Variants in CHD6 observed in about 807,000 individuals in gnomAD.
The protein encoded by CHD6 is ATP-dependent chromatin remodeler CHD6.
In CHD6, 50 loss-of-function variants were observed where a neutral mutation model predicts 276.9. The observed-to-expected ratio is 0.18, with a 90% CI of 0.14 to 0.23. CHD6 has a LOEUF of 0.23. CHD6 is among the 10% of genes least tolerant of loss of function. The pLI is 1.00. For synonymous variants in CHD6, 1,173 were observed against 1,229.3 expected, an observed-to-expected ratio of 0.95 and a Z score of 0.96; for missense variants, 2,564 against 3,365.8, an observed-to-expected ratio of 0.76 and a Z score of 5.89.
At chr20:41,521,754 G>A (rs982412481) in intron 3 of CHD6, among the ~76,000 whole-genome samples, 1 of 152,154 alleles carries the variant, frequency 6.6e-6, no homozygotes, top group Non-Finnish European at 1.5e-5. Context: ...CTAAAGCAGG[G>A]AAGACAGACG....
At chr20:41,487,509 C>G (rs544911293) in intron 14 of CHD6, among the ~76,000 whole-genome samples, 156 bp downstream of exon 14, 3 of 152,172 alleles carry the variant, frequency 2.0e-5, no homozygotes, top group African/African-American at 7.2e-5. Context: ...TCAGCGTACC[C>G]GCCCCAACAT....
At position 41,551,313 on chromosome 20, in the gene CHD6, C is replaced by CT; in HGVS notation, c.24dup (p.Glu9ArgfsTer17). The CT allele has an allele frequency of 2.0e-6, 3 of 1,492,320 alleles. No homozygotes were observed. Among genetic ancestry groups the CT allele is most frequent in the Non-Finnish European group, 2.8e-6 (3 of 1,078,410 alleles). The allele number at this position is 1,492,320 out of a possible 1,614,324, so 92.4% of individuals were successfully genotyped here. On this transcript the variant is annotated frameshift_variant, in exon 2 of 37. Coordinates refer to ENST00000373233, the MANE Select transcript of CHD6 (RefSeq NM_032221.5). LOFTEE classifies it high-confidence loss of function. ...GAAAAGTGATCACTTACCTGCTTCT[C>CT]TTTTTTCTGTATTTTCATTTTCATC...
chr20:41,431,378 C>T (rs913464095), intron 27 of CHD6, among the ~76,000 whole-genome samples: 4 of 152,282 alleles, frequency 2.6e-5, no homozygotes, highest in Admixed American at 2.6e-4. Context: ...CTAGAATCAA[C>T]AGAAGAGAAT....
intron 32 of CHD6, 59 bp downstream of exon 32, chr20:41,417,139 A>G (rs2047024295): frequency 1.3e-6 from 2 of 1,489,716 alleles, no homozygotes; most frequent in African/African-American, 1.4e-5. Flanking sequence ...GGTTAAAAAA[A>G]GCAATTCAAA....
At chr20:41,495,931 G>C (rs1275377530) in intron 8 of CHD6, among the ~76,000 whole-genome samples, 1 of 152,176 alleles carries the variant, frequency 6.6e-6, no homozygotes, top group African/African-American at 2.4e-5. Context: ...GGGCTGGGAG[G>C]GGCAGTTTGA....
chr20:41,450,872 C>G (rs76501282), intron 23 of CHD6, 74 bp downstream of exon 23: 34,828 of 1,376,384 alleles, frequency 0.025, 535 homozygotes, highest in Non-Finnish European at 0.031. Flanking sequence ...GAAGTGCTCT[C>G]CCTGTGGGGT....
intron 1 of CHD6, among the ~76,000 whole-genome samples, chr20:41,609,949 C>T (rs575116845): frequency 3.3e-5 from 5 of 151,488 alleles, no homozygotes; most frequent in Admixed American, 6.6e-5. Context: ...CTCCGCCTCC[C>T]GGGTTTAAGC....
intron 34 of CHD6, 138 bp downstream of exon 34, chr20:41,415,048 C>T (rs916943941): frequency 6.8e-7 from 1 of 1,464,494 alleles, no homozygotes; most frequent in African/African-American, 1.4e-5. Flanking sequence ...TGGAGGGCAT[C>T]TTATAATGAG....
chr20:41,468,365 C>T (rs1176579008), intron 17 of CHD6, among the ~76,000 whole-genome samples: 1 of 152,168 alleles, frequency 6.6e-6, no homozygotes, highest in Non-Finnish European at 1.5e-5. Flanking sequence ...CCGCCTCGGC[C>T]TCCCAAAGTG....
Position 41,450,689 on chromosome 20 carries a change from G to C in CHD6, c.3683+257C>G, listed in dbSNP as rs150815644. ...TGACTGGTTTTTGAGAGTCAAAATA[G>C]AAAAATCCTCAGGGGTATATACAAT... On this transcript the variant is annotated intron_variant, in intron 23 of 36. Coordinates refer to ENST00000373233, the MANE Select transcript of CHD6 (RefSeq NM_032221.5). Among the ~76,000 whole-genome samples the C allele has an allele frequency of 2.7e-3, 411 of 152,272 alleles. 2 individuals carry two copies. The highest frequency in any genetic ancestry group is 0.024 in the Middle Eastern group (7 of 294).
intron 1 of CHD6, among the ~76,000 whole-genome samples, chr20:41,556,326 C>T (rs1200247808): frequency 6.8e-5 from 7 of 102,238 alleles, no homozygotes; most frequent in Non-Finnish European, 1.2e-4. Context: ...GAGAGGGCAC[C>T]TTTTTTTTTT....
chr20:41,533,662 C>T, intron 2 of CHD6, 92 bp from the exon 3 acceptor site: 4 of 1,166,116 alleles, frequency 3.4e-6, no homozygotes, highest in Non-Finnish European at 4.8e-6. Context: ...ATTTGCTCAA[C>T]AAATATTTAC....
chr20:41,416,006 T>C (rs990116064), intron 33 of CHD6, among the ~76,000 whole-genome samples: 13 of 152,356 alleles, frequency 8.5e-5, no homozygotes, highest in African/African-American at 2.9e-4. Context: ...CACTCCAGAC[T>C]GAATAAGTCA....
chr20:41,587,765 A>T (rs1348386662), intron 1 of CHD6, among the ~76,000 whole-genome samples: 1 of 152,128 alleles, frequency 6.6e-6, no homozygotes, highest in Non-Finnish European at 1.5e-5. Flanking sequence ...GGACTGCCTA[A>T]CCCAAGAGCA....
chr20:41,514,060 A>G (rs891994985), intron 4 of CHD6, among the ~76,000 whole-genome samples: 2 of 152,312 alleles, frequency 1.3e-5, no homozygotes, highest in African/African-American at 4.8e-5. Flanking sequence ...CTGCTCTGAC[A>G]CCAGACACTG....
intron 3 of CHD6, among the ~76,000 whole-genome samples, chr20:41,526,679 G>T (rs564819285): frequency 3.9e-5 from 6 of 152,250 alleles, no homozygotes; most frequent in Admixed American, 3.9e-4. Flanking sequence ...CAAACAAATG[G>T]GGATGAAAAA....
chr20:41,598,509 T>C (rs2045741957), intron 1 of CHD6, among the ~76,000 whole-genome samples: 3 of 152,168 alleles, frequency 2.0e-5, no homozygotes, highest in Non-Finnish European at 4.4e-5. Context: ...TCATCCCCTT[T>C]CTACTTGGAT....
At position 41,499,352 on chromosome 20, in the gene CHD6, A is replaced by G; in HGVS notation, c.858T>C (p.Pro286=). 1 of 1,600,474 alleles carries G rather than the reference A, an allele frequency of 6.2e-7. No homozygotes were observed. The highest frequency in any genetic ancestry group is 8.5e-7 in the Non-Finnish European group (1 of 1,172,790). Reference sequence around the variant, plus strand: ...CAATGATGTTTGCATCATCTTCTGGAGGCTCCTGGGGACAAAGATAAAAAA... The same window carrying G: ...CAATGATGTTTGCATCATCTTCTGGGGGCTCCTGGGGACAAAGATAAAAAA... ...ASTLAWQAEE[P]PEDDANIIEK... Residue 286 remains proline, a synonymous_variant, in exon 6 of 37, where the codon CCT becomes CCC. Transcript: ENST00000373233.
intron 15 of CHD6, 94 bp downstream of exon 15, chr20:41,484,258 T>C: frequency 1.4e-6 from 2 of 1,411,710 alleles, no homozygotes; most frequent in Non-Finnish European, 2.0e-6. Flanking sequence ...TCCTAGCATA[T>C]AATGAAAATT....
Sources: gnomAD v4.1 joint callset for allele counts (sites outside exome capture counted in the v4.1 genomes callset) on GRCh38, gnomAD v4.1.1 for gene constraint, MANE v1.5 for transcripts, NCBI Gene and HGNC (gene_info 2026-07-23, HGNC 2026-07-21) for gene names.